The following C6orf89 variants were observed in gnomAD, a reference collection of about 807,000 sequenced individuals.
C6orf89 encodes the protein chromosome 6 open reading frame 89, also known as bombesin receptor-activated protein C6orf89.
Under a neutral mutation model 40.7 loss-of-function variants are expected in C6orf89, and 29 were observed. That is an observed-to-expected ratio of 0.71 (90% CI 0.53 to 0.97). C6orf89 has a LOEUF of 0.97. C6orf89 is among the 50% of genes least tolerant of loss of function. The pLI, the probability that C6orf89 is intolerant of heterozygous loss-of-function variation, is 0.00. For missense variants in C6orf89, 392 were observed against 429.1 expected (o/e 0.91, Z 0.76); for synonymous variants, 165 against 152.2 (o/e 1.08, Z -0.62).
At chr6:36,901,589 C>T (rs1228293594) in intron 3 of C6orf89, among the ~76,000 whole-genome samples, 1 of 149,008 alleles carries the variant, frequency 6.7e-6, no homozygotes, top group Non-Finnish European at 1.5e-5. Context: ...CTGCCTCGGC[C>T]TCCCAAAGTG....
At chr6:36,905,716 AGT>A (rs1318792165) in intron 4 of C6orf89, among the ~76,000 whole-genome samples, 2 of 152,156 alleles carry the variant, frequency 1.3e-5, no homozygotes, top group Non-Finnish European at 2.9e-5. Context: ...ATATCTTTAT[AGT>A]CACTTTACTC....
intron 4 of C6orf89, among the ~76,000 whole-genome samples, chr6:36,908,107 C>T (rs9462242): frequency 0.039 from 5,966 of 152,310 alleles, 365 homozygotes; most frequent in African/African-American, 0.13. Context: ...GTTCCTCTCT[C>T]TAAGCTTATG....
chr6:36,906,307 T>C (rs1011363256), intron 4 of C6orf89, among the ~76,000 whole-genome samples: 1 of 152,254 alleles, frequency 6.6e-6, no homozygotes, highest in African/African-American at 2.4e-5. Context: ...AAAATAAGCT[T>C]ACCTTCTGTG....
At chr6:36,879,369 A>C (rs1350811402) in intron 2 of C6orf89, among the ~76,000 whole-genome samples, 1 of 152,168 alleles carries the variant, frequency 6.6e-6, no homozygotes, top group Admixed American at 6.5e-5. Flanking sequence ...ACAACAACAA[A>C]AAATTTTTCC....
rs553835903 is a variant in C6orf89 at position 36,913,899 on chromosome 6, G to A, written c.404-385G>A. 5.3e-5 allele frequency among the ~76,000 whole-genome samples: 8 copies of A among 152,066 alleles called. No homozygotes were observed. In the East Asian group the frequency reaches 1.4e-3, roughly 26 times the overall value. Reference sequence around the variant, plus strand: ...TTATGGGCTGGATGCGGTGGCTTGCGCCTGTAATCCCAGCATTTTGGGAGG... The same window carrying A: ...TTATGGGCTGGATGCGGTGGCTTGCACCTGTAATCCCAGCATTTTGGGAGG... On this transcript the variant is annotated intron_variant, in intron 4 of 8. Transcript: ENST00000480824.
intron 6 of C6orf89, among the ~76,000 whole-genome samples, chr6:36,915,025 C>T (rs1157545038): frequency 1.3e-5 from 2 of 151,846 alleles, no homozygotes; most frequent in African/African-American, 2.4e-5. Context: ...ACTTAGCGTG[C>T]GAGTAGGAAA....
chr6:36,920,984 A>C (rs1762490052), intron 8 of C6orf89, among the ~76,000 whole-genome samples: 1 of 152,198 alleles, frequency 6.6e-6, no homozygotes, highest in Non-Finnish European at 1.5e-5. Context: ...AAATTAAAAA[A>C]AAAAAAGTCT....
At chr6:36,909,756 C>T (rs1174845552) in intron 4 of C6orf89, among the ~76,000 whole-genome samples, 1 of 146,486 alleles carries the variant, frequency 6.8e-6, no homozygotes, top group Non-Finnish European at 1.5e-5. Flanking sequence ...GCACTTCAGC[C>T]TGGGTGACAG....
chr6:36,908,564 C>T (rs1035877918), intron 4 of C6orf89, among the ~76,000 whole-genome samples: 1 of 152,116 alleles, frequency 6.6e-6, no homozygotes, highest in Non-Finnish European at 1.5e-5. Context: ...TTTTCCATGT[C>T]TATACAAATA....
intron 4 of C6orf89, among the ~76,000 whole-genome samples, chr6:36,911,045 C>T (rs1206295546): frequency 6.6e-6 from 1 of 152,118 alleles, no homozygotes; most frequent in Non-Finnish European, 1.5e-5. Flanking sequence ...CAAGGAACAC[C>T]ACCTCCAAGT....
chr6:36,918,075 TCCCTGGG>T (rs372094547), intron 7 of C6orf89, among the ~76,000 whole-genome samples: 74 of 152,270 alleles, frequency 4.9e-4, no homozygotes, highest in African/African-American at 1.7e-3. Context: ...GTTGTCCACA[TCCCTGGG>T]CCCTGGGCCC....
In C6orf89 at chr6:36,898,282, T is replaced by C. The variant is rs1032698081; in HGVS notation, c.-19-1144T>C. On this transcript the variant is annotated intron_variant, in intron 2 of 8. Coordinates refer to ENST00000480824, the MANE Select transcript of C6orf89 (RefSeq NM_001286635.2). ...AATTTGTTTTTCTTTTCTTTTCTTT[T>C]CTTTTTTTTTTTTTGAGATGGAGTT... 8.4e-5 allele frequency among the ~76,000 whole-genome samples: 8 copies of C among 95,230 alleles called. No individual in the cohort carries two copies. In the East Asian group the frequency reaches 2.0e-3, roughly 23 times the overall value. The allele number at this position is 95,230 out of a possible 152,430, so 62.5% of individuals were successfully genotyped here.
chr6:36,874,833 G>T, intron 1 of C6orf89: 12 of 1,574,330 alleles, frequency 7.6e-6, no homozygotes, highest in Non-Finnish European at 1.0e-5. Flanking sequence ...GATTAGCTGG[G>T]GACCCGTCGC....
At chr6:36,876,502 A>T (rs1774656148) in intron 1 of C6orf89, among the ~76,000 whole-genome samples, 9 of 152,124 alleles carry the variant, frequency 5.9e-5, no homozygotes, top group Admixed American at 5.9e-4. Context: ...AGGCGGGCAG[A>T]TCATCTGAGG....
chr6:36,902,151 T>G, intron 3 of C6orf89, 70 bp from the exon 4 acceptor site: 1 of 1,343,732 alleles, frequency 7.4e-7, no homozygotes, highest in Non-Finnish European at 1.1e-6. Context: ...GCCTGTTTTG[T>G]TTTGTTTTTT....
At position 36,874,851 on chromosome 6, in the gene C6orf89, C is replaced by T. The variant is rs138172437; in HGVS notation, c.-628+2884C>T. 71 of 1,494,396 alleles carry T rather than the reference C, an allele frequency of 4.8e-5. No individual in the cohort carries two copies. The African/African-American group carries it at 8.2e-4, about 17-fold the overall frequency. 92.6% of individuals were successfully genotyped at this position (1,494,396 alleles called of 1,614,324 possible). On this transcript the variant is annotated intron_variant, in intron 1 of 9. Coordinates refer to the C6orf89 transcript ENST00000359359. ...TAGCTGGGGACCCGTCGCTGCTGCA[C>T]ACTTCCGGTCCGTTCAACCCTTTCG...
At chr6:36,918,052 G>T (rs1422207436) in intron 7 of C6orf89, among the ~76,000 whole-genome samples, 1 of 152,206 alleles carries the variant, frequency 6.6e-6, no homozygotes, top group South Asian at 2.1e-4. Context: ...CCGCAGCCTT[G>T]TTACCCCACC....
chr6:36,886,317 C>A (rs1454165733), intron 1 of C6orf89, among the ~76,000 whole-genome samples: 2 of 152,192 alleles, frequency 1.3e-5, no homozygotes, highest in African/African-American at 4.8e-5. Context: ...ACAGCAGTGT[C>A]CATAACTTGA....
In C6orf89 at chr6:36,927,408, G is replaced by C. The variant is rs913015705; in HGVS notation, c.*3967G>C. 2 of 152,218 alleles carry C rather than the reference G, an allele frequency of 1.3e-5. No homozygotes were observed. Among genetic ancestry groups the C allele is most frequent in the Non-Finnish European group, 2.9e-5 (2 of 68,046 alleles). The allele number at this position is 152,218 out of a possible 1,614,324, so 9.4% of individuals were successfully genotyped here. On this transcript the variant is annotated 3_prime_UTR_variant, in exon 9 of 9. Transcript: ENST00000480824. ...ATGTTTGCATCTCCTTGTCCATAAA[G>C]GAGAAAGCCAGGTTATAGGAGAAAG...
Sources: allele counts gnomAD v4.1 joint callset (sites outside exome capture counted in the v4.1 genomes callset), GRCh38; gene constraint gnomAD v4.1.1; transcripts MANE v1.5; gene names NCBI Gene and HGNC (gene_info 2026-07-23, HGNC 2026-07-21).